Variants in CD99 observed in about 807,000 individuals in gnomAD.
CD99 encodes CD99 antigen.
Under a neutral mutation model 28.4 loss-of-function variants are expected in CD99, and 19 were observed. The ratio of observed to expected loss-of-function variants is 0.67; its 90% CI spans 0.47 to 0.98. The LOEUF is 0.98. CD99 is among the 50% of genes least tolerant of loss of function. CD99 has a pLI of 0.00. For synonymous variants in CD99, 103 were observed against 92.1 expected, an observed-to-expected ratio of 1.12 and a Z score of -0.67; for missense variants, 283 against 248.8, an observed-to-expected ratio of 1.14 and a Z score of -0.92.
rs1191606425 is a variant in CD99, at chrX:2,740,826, C to T, written c.*22C>T. ...ATAGAAGATTGTCGGCAGAAACAGC[C>T]CAGGCGTTGGCAGCAGGGTTAGAAC... On this transcript the variant is annotated 3_prime_UTR_variant, in exon 10 of 10. Coordinates refer to ENST00000381192, the MANE Select transcript of CD99 (RefSeq NM_002414.5). 20 of 1,613,782 alleles carry T rather than the reference C, an allele frequency of 1.2e-5. No homozygotes were observed. The highest frequency in any genetic ancestry group is 1.7e-5 in the Non-Finnish European group (20 of 1,179,750).
chrX:2,709,325 G>C (rs1196936375), intron 1 of CD99, among the ~76,000 whole-genome samples: 8 of 145,758 alleles, frequency 5.5e-5, no homozygotes, highest in African/African-American at 1.7e-4. Flanking sequence ...TACTCCTGCA[G>C]TGCACATGCA....
At chrX:2,731,789 T>C (rs1188314224) in intron 8 of CD99, among the ~76,000 whole-genome samples, 2 of 152,028 alleles carry the variant, frequency 1.3e-5, no homozygotes, top group African/African-American at 4.8e-5. Context: ...CTTTATCAAA[T>C]CCTGTGACTT....
At chrX:2,717,493 A>G (rs2048785362) in intron 2 of CD99, 112 bp from the exon 3 acceptor site, 4 of 890,778 alleles carry the variant, frequency 4.5e-6, no homozygotes, top group South Asian at 1.4e-5. Context: ...AAACAATGCT[A>G]AAAACATTCT....
At chrX:2,709,708 A>ACACATGCATGAACATAGACACG (rs1569433028) in intron 1 of CD99, among the ~76,000 whole-genome samples, 2 of 152,132 alleles carry the variant, frequency 1.3e-5, no homozygotes, top group Non-Finnish European at 2.9e-5. Context: ...ACATAGACAC[A>ACACATGCATGAACATAGACACG]CACATGCATG....
intron 1 of CD99, among the ~76,000 whole-genome samples, chrX:2,705,310 T>C (rs1343066259): frequency 6.6e-6 from 1 of 152,226 alleles, no homozygotes; most frequent in Non-Finnish European, 1.5e-5. Context: ...ATCCTGTTAC[T>C]GACGGGAAGC....
In CD99 at chrX:2,723,531, G is replaced by A. The variant is rs2049110277; in HGVS notation, c.361+167G>A. 2.5e-5 allele frequency: 18 copies of A among 726,218 alleles called. No individual in the cohort carries two copies. The South Asian group carries it at 2.8e-4, about 11-fold the overall frequency. 45.0% of individuals were successfully genotyped at this position (726,218 alleles called of 1,614,324 possible). A position where few individuals can be genotyped will look rare whatever the true frequency, so the allele number is the denominator to read the frequency against. On this transcript the variant is annotated intron_variant, in intron 7 of 9. Coordinates refer to ENST00000381192, the MANE Select transcript of CD99 (RefSeq NM_002414.5). The stretch of plus-strand genomic sequence containing the variant: ...GCTCCCAAGTGATGTAGCTGCAGAG[G>A]TCCCCCAGCAAACCAGCCCTGCTCC...
chrX:2,693,891 A>C (rs941291268), intron 1 of CD99, among the ~76,000 whole-genome samples: 8 of 152,170 alleles, frequency 5.3e-5, no homozygotes, highest in African/African-American at 1.7e-4. Context: ...GGGACATCCC[A>C]CCATCCTGCA....
At chrX:2,719,047 T>C (rs1293432522) in intron 3 of CD99, 1 of 153,776 alleles carries the variant, frequency 6.5e-6, no homozygotes, top group East Asian at 1.9e-4. Flanking sequence ...GATGGCTCAG[T>C]ACATGCTGTT....
intron 8 of CD99, among the ~76,000 whole-genome samples, chrX:2,731,912 C>T (rs181629157): frequency 3.3e-5 from 5 of 151,430 alleles, no homozygotes; most frequent in Non-Finnish European, 5.9e-5. Context: ...AAAATAACTG[C>T]GGTTTATGCC....
chrX:2,739,920 T>TAA (rs760923352), intron 9 of CD99, among the ~76,000 whole-genome samples: 11,043 of 109,946 alleles, frequency 0.1, 544 homozygotes, highest in Middle Eastern at 0.15. Flanking sequence ...TACTAAAAAT[T>TAA]AAAAAAAAAA....
At chrX:2,691,575 C>A in intron 1 of CD99, 148 bp downstream of exon 1, 1 of 888,698 alleles carries the variant, frequency 1.1e-6, no homozygotes, top group South Asian at 1.4e-5. Flanking sequence ...CCACGGGGGC[C>A]CAGGCCCGGA....
chrX:2,691,542 C>T (rs1326217096), intron 1 of CD99, 115 bp downstream of exon 1: 6 of 1,203,638 alleles, frequency 5.0e-6, no homozygotes, highest in Non-Finnish European at 5.9e-6. Context: ...AGCCTCCTCC[C>T]TGCCCGGCAG....
chrX:2,714,433 G>A lies in CD99; in HGVS notation c.79G>A (p.Asp27Asn), dbSNP rs760440460. 12 of 1,599,688 alleles carry A rather than the reference G, an allele frequency of 7.5e-6. No individual in the cohort carries two copies. The highest frequency in any genetic ancestry group is 1.7e-4 in the Middle Eastern group (1 of 6,054). Residue 27 changes from aspartate (D) to asparagine (N), a missense_variant, in exon 2 of 10, where the codon GAT becomes AAT. Asp to Asn is a conservative substitution (Grantham distance 23, BLOSUM62 1). Coordinates refer to ENST00000381192, the MANE Select transcript of CD99 (RefSeq NM_002414.5). Reference sequence around the variant, plus strand: ...TTTTTCTCTCTTAGATGGTGGTTTCGATTTATCCGATGCCCTTCCTGGTGA... The same window carrying A: ...TTTTTCTCTCTTAGATGGTGGTTTCAATTTATCCGATGCCCTTCCTGGTGA... ...VLVAAPDGGF[D>N]LSDALPDNEN...
At chrX:2,721,912 A>G (rs1200112974) in intron 5 of CD99, among the ~76,000 whole-genome samples, 1 of 152,200 alleles carries the variant, frequency 6.6e-6, no homozygotes, top group Non-Finnish European at 1.5e-5. Context: ...TCTAGCATTC[A>G]AATAGTTTAG....
At chrX:2,712,827 A>C (rs760537190) in intron 1 of CD99, among the ~76,000 whole-genome samples, 11 of 152,240 alleles carry the variant, frequency 7.2e-5, no homozygotes, top group Admixed American at 7.2e-4. Context: ...ACCTGTATGT[A>C]CATACTCAAA....
intron 8 of CD99, among the ~76,000 whole-genome samples, chrX:2,737,426 T>TG (rs563770948): frequency 1 from 151,928 of 151,946 alleles, 75,955 homozygotes; most frequent in South Asian, 1. Context: ...TCCGCCCGCC[T>TG]GGCCTCCCAA....
At chrX:2,697,586 G>A (rs1396983026) in intron 1 of CD99, among the ~76,000 whole-genome samples, 1 of 152,134 alleles carries the variant, frequency 6.6e-6, no homozygotes, top group Non-Finnish European at 1.5e-5. Context: ...TGACCAGAAG[G>A]AGCTTTCGTT....
chrX:2,713,989 T>C (rs2048567893), intron 1 of CD99, among the ~76,000 whole-genome samples: 1 of 152,176 alleles, frequency 6.6e-6, no homozygotes, highest in Non-Finnish European at 1.5e-5. Context: ...TAATGCATAA[T>C]GCACGTGTCT....
intron 7 of CD99, among the ~76,000 whole-genome samples, chrX:2,725,349 G>A (rs890851429): frequency 1.3e-5 from 2 of 151,816 alleles, no homozygotes; most frequent in African/African-American, 2.4e-5. Flanking sequence ...AGTGAGCTGT[G>A]ATTACATCAT....
Sources: allele counts gnomAD v4.1 joint callset (sites outside exome capture counted in the v4.1 genomes callset), GRCh38; gene constraint gnomAD v4.1.1; transcripts MANE v1.5; gene names NCBI Gene and HGNC (gene_info 2026-07-23, HGNC 2026-07-21).